Variants in NBPF11 observed in about 807,000 individuals in gnomAD.
NBPF11 encodes the protein NBPF member 11.
A neutral mutation model predicts 93.9 loss-of-function variants in NBPF11; 72 were observed. The ratio of observed to expected loss-of-function variants is 0.77; its 90% CI spans 0.63 to 0.93. NBPF11 has a LOEUF of 0.93. Ranked by LOEUF, NBPF11 falls within the 40% of genes least tolerant of loss-of-function variation. The probability of loss-of-function intolerance (pLI) is 0.00; values close to 1 mark genes in which losing one functional copy is unlikely to be tolerated. For missense variants in NBPF11, 705 were observed against 802.2 expected (o/e 0.88, Z 1.46); for synonymous variants, 224 against 304.9 (o/e 0.73, Z 2.76).
At chr1:148,132,563 T>C (rs1260907009) in intron 4 of NBPF11, among the ~76,000 whole-genome samples, 1 of 149,756 alleles carries the variant, frequency 6.7e-6, no homozygotes, top group African/African-American at 2.5e-5. Flanking sequence ...TTGCATTGGA[T>C]CTGGAGATCA....
chr1:148,121,334 T>C lies in NBPF11; in HGVS notation c.779-624A>G, dbSNP rs11239913. On this transcript the variant is annotated intron_variant, in intron 9 of 23. Transcript: ENST00000682118. ...GCTGGGATTAAGATGTGAGCCAGCG[T>C]CCCTGGTCAGAGACTTTTTTTTTTT... Among the ~76,000 whole-genome samples the C allele has an allele frequency of 3.0e-3, 440 of 148,694 alleles. 5 individuals are homozygous for C. The highest frequency in any genetic ancestry group is 8.9e-3 in the African/African-American group (354 of 39,994).
At chr1:148,140,207 T>C (rs1192779238) in intron 2 of NBPF11, among the ~76,000 whole-genome samples, 1 of 152,004 alleles carries the variant, frequency 6.6e-6, no homozygotes, top group Admixed American at 6.5e-5. Flanking sequence ...CTAGTGGTGC[T>C]AGAACAGCTG....
rs1176347607 is a variant in NBPF11, at chr1:148,126,973, C to T, written c.31G>A (p.Glu11Lys). 1.6e-5 allele frequency: 13 copies of T among 810,970 alleles called. No individual in the cohort carries two copies. The highest frequency in any genetic ancestry group is 6.4e-5 in the African/African-American group (3 of 46,626). The allele number at this position is 810,970 out of a possible 1,614,324, so 50.2% of individuals were successfully genotyped here. MVVSAGPWSS[E>K]KAEMNILEIN... ...TCTAGAATGTTCATCTCTGCCTTCT[C>T]GCTGGACCAAGGGCCGGCTGATACC... The change falls in exon 5 of 24, where the codon GAG (glutamate) becomes AAG (lysine). Residue 11 changes from glutamate (E) to lysine (K), a missense_variant. This residue lies in a region of NBPF11 where 128 missense variants were observed against 112.8 expected (regional missense o/e 1.14). Coordinates refer to ENST00000682118, the MANE Select transcript of NBPF11 (RefSeq NM_001385469.3).
chr1:148,138,428 T>C (rs28752259), intron 2 of NBPF11, among the ~76,000 whole-genome samples: 3 of 151,734 alleles, frequency 2.0e-5, no homozygotes, highest in South Asian at 2.1e-4. Context: ...TCCCTTCCCA[T>C]GAGGCTGTAT....
chr1:148,140,853 G>GT (rs1389255889), intron 2 of NBPF11, among the ~76,000 whole-genome samples: 1 of 151,366 alleles, frequency 6.6e-6, no homozygotes, highest in East Asian at 1.9e-4. Flanking sequence ...AATCCTGCAC[G>GT]TAAGTACTTA....
Position 148,138,808 on chromosome 1 carries a change from T to A in NBPF11, c.-276-999A>T, listed in dbSNP as rs1284025719. On this transcript the variant is annotated intron_variant, in intron 2 of 23. Transcript: ENST00000682118. ...GATCTCTCTTTCTTTTCCCCACAGT[T>A]CAGGTCAGGCCATGGCTCATATCTG... 1.4e-4 allele frequency among the ~76,000 whole-genome samples: 21 copies of A among 151,880 alleles called. 1 individual carries two copies. The highest frequency in any genetic ancestry group is 4.4e-4 in the African/African-American group (18 of 41,186).
intron 1 of NBPF11, among the ~76,000 whole-genome samples, chr1:148,150,950 A>G (rs2149320617): frequency 6.6e-6 from 1 of 151,952 alleles, no homozygotes; most frequent in Admixed American, 6.5e-5. Flanking sequence ...GATGGTCTCA[A>G]TCTCCTGACC....
chr1:148,132,240 T>A (rs1553274632), intron 4 of NBPF11, among the ~76,000 whole-genome samples: 2 of 140,366 alleles, frequency 1.4e-5, no homozygotes, highest in African/African-American at 5.7e-5. Flanking sequence ...CACACATGTT[T>A]GTGTGTGTGT....
At chr1:148,137,087 G>A (rs1426274416) in intron 3 of NBPF11, among the ~76,000 whole-genome samples, 1 of 151,916 alleles carries the variant, frequency 6.6e-6, no homozygotes, top group Non-Finnish European at 1.5e-5. Context: ...AGCCTCTTAA[G>A]GTGATGAGAC....
intron 1 of NBPF11, among the ~76,000 whole-genome samples, chr1:148,147,194 G>A (rs1451625701): frequency 1.3e-4 from 20 of 152,158 alleles, no homozygotes; most frequent in Admixed American, 1.3e-3. Flanking sequence ...AAGGGGCTGA[G>A]CTTGTCACAG....
chr1:148,122,880 A>G (rs1479270222), intron 7 of NBPF11, 79 bp from the exon 8 acceptor site: 3 of 1,604,888 alleles, frequency 1.9e-6, no homozygotes, highest in African/African-American at 1.3e-5. Flanking sequence ...GCACAGAGAC[A>G]TGAATATCTA....
At chr1:148,145,562 A>G (rs1441777133) in intron 1 of NBPF11, among the ~76,000 whole-genome samples, 1 of 150,338 alleles carries the variant, frequency 6.7e-6, no homozygotes, top group South Asian at 2.1e-4. Context: ...AAAGGAAAAG[A>G]TTGATAAAGT....
intron 4 of NBPF11, among the ~76,000 whole-genome samples, chr1:148,128,986 C>A (rs1159344276): frequency 6.8e-6 from 1 of 148,004 alleles, no homozygotes; most frequent in Non-Finnish European, 1.5e-5. Context: ...ACATCACACA[C>A]CAGGGCCTGT....
Position 148,106,197 on chromosome 1 carries a change from C to CT in NBPF11, c.2286dup (p.Gly763ArgfsTer18), listed in dbSNP as rs1663568334. On this transcript the variant is annotated frameshift_variant, in exon 21 of 24. Transcript: ENST00000682118. LOFTEE classifies it high-confidence loss of function. Reference sequence around the variant, plus strand: ...CTCAGTTACCTGGGGCACGGTGGGCCTTGGTCTTCTTCCTCTTCTTGGTCC... The same window carrying CT: ...CTCAGTTACCTGGGGCACGGTGGGCCTTTGGTCTTCTTCCTCTTCTTGGTCC... The CT allele has an allele frequency of 1.1e-6, 1 of 933,798 alleles. No homozygotes were observed. Among genetic ancestry groups the CT allele is most frequent in the Non-Finnish European group, 1.8e-6 (1 of 563,346 alleles). The allele number at this position is 933,798 out of a possible 1,614,324, so 57.8% of individuals were successfully genotyped here.
intron 1 of NBPF11, chr1:148,146,557 A>G: frequency 5.6e-6 from 9 of 1,605,180 alleles, no homozygotes; most frequent in Non-Finnish European, 6.8e-6. Context: ...CCCCTTGGGG[A>G]CCCTGAGAGC....
At chr1:148,120,936 C>T (rs1453408647) in intron 9 of NBPF11, among the ~76,000 whole-genome samples, 1 of 152,042 alleles carries the variant, frequency 6.6e-6, no homozygotes, top group African/African-American at 2.4e-5. Flanking sequence ...CTTGCTTATA[C>T]GTTTCTATAA....
intron 17 of NBPF11, 141 bp from the exon 18 acceptor site, chr1:148,108,795 T>C: frequency 1.4e-6 from 1 of 695,910 alleles, no homozygotes; most frequent in South Asian, 1.6e-5. Context: ...ATTATTGCCT[T>C]TATGTTGGGA....
rs1312844039 is a variant in NBPF11, at chr1:148,149,250, C to T, written c.-549+2500G>A. ...GACCTGGCCTCGCGCTACGAGTGTGCCGCGGTGGTGCTGCACTCGCCGCTC... is the reference window on the plus strand; with the variant it reads ...GACCTGGCCTCGCGCTACGAGTGTGTCGCGGTGGTGCTGCACTCGCCGCTC... On this transcript the variant is annotated intron_variant, in intron 1 of 23. Coordinates refer to ENST00000682118, the MANE Select transcript of NBPF11 (RefSeq NM_001385469.3). The T allele has an allele frequency of 2.5e-6, 4 of 1,593,902 alleles. 1 individual carries two copies. Among genetic ancestry groups the T allele is most frequent in the Non-Finnish European group, 8.5e-7 (1 of 1,178,088 alleles).
At position 148,103,699 on chromosome 1, in the gene NBPF11, G is replaced by T; in HGVS notation, c.*197C>A. 1.2e-6 allele frequency: 2 copies of T among 1,611,308 alleles called. No homozygotes were observed. The highest frequency in any genetic ancestry group is 2.3e-4 in the Middle Eastern group (1 of 4,440). Reference sequence around the variant, plus strand: ...GTGGGAATATGACTCCCATCTGGAAGACCAGGTGGAGACTTCTCACCGTCA... The same window carrying T: ...GTGGGAATATGACTCCCATCTGGAATACCAGGTGGAGACTTCTCACCGTCA... On this transcript the variant is annotated 3_prime_UTR_variant, in exon 24 of 24. Coordinates refer to ENST00000682118, the MANE Select transcript of NBPF11 (RefSeq NM_001385469.3).
Sources: allele counts gnomAD v4.1 joint callset (sites outside exome capture counted in the v4.1 genomes callset), GRCh38; gene constraint gnomAD v4.1.1; regional missense constraint gnomAD v4.1.1; transcripts MANE v1.5; gene names NCBI Gene and HGNC (gene_info 2026-07-23, HGNC 2026-07-21).